RAB3C: variants seen among roughly 807,000 people sequenced by gnomAD.
The protein encoded by RAB3C is ras-related protein Rab-3C.
Under a neutral mutation model 26.4 loss-of-function variants are expected in RAB3C, and 17 were observed. That is an observed-to-expected ratio of 0.64 (90% CI 0.44 to 0.97). The LOEUF (loss-of-function observed/expected upper bound fraction) is 0.97, where lower values mean the gene tolerates loss of function less well. RAB3C is among the 50% of genes least tolerant of loss of function. The pLI is 0.00. For synonymous variants in RAB3C, 91 were observed against 95.9 expected (o/e 0.95, Z 0.30); for missense variants, 242 against 281.9 (o/e 0.86, Z 1.01).
At chr5:58,671,779 C>A (rs150493045) in intron 2 of RAB3C, among the ~76,000 whole-genome samples, 5 of 152,158 alleles carry the variant, frequency 3.3e-5, no homozygotes, top group Non-Finnish European at 5.9e-5. Flanking sequence ...GTGCTGATAG[C>A]CAAGATCTTT....
At chr5:58,807,462 C>T (rs1223952597) in intron 3 of RAB3C, among the ~76,000 whole-genome samples, 1 of 152,290 alleles carries the variant, frequency 6.6e-6, no homozygotes, top group East Asian at 1.9e-4. Flanking sequence ...TAACAAAATA[C>T]CATAGACTGG....
intron 4 of RAB3C, among the ~76,000 whole-genome samples, chr5:58,831,577 T>C (rs779581035): frequency 6.6e-6 from 1 of 152,166 alleles, no homozygotes; most frequent in Non-Finnish European, 1.5e-5. Context: ...AGAGCACCAC[T>C]TTAGGGAAGC....
At chr5:58,748,431 A>G (rs1311775558) in intron 3 of RAB3C, among the ~76,000 whole-genome samples, 2 of 152,178 alleles carry the variant, frequency 1.3e-5, no homozygotes, top group East Asian at 3.9e-4. Context: ...TTCATTGTGC[A>G]TGCAGTAATT....
intron 3 of RAB3C, among the ~76,000 whole-genome samples, chr5:58,726,535 A>C (rs540173889): frequency 6.6e-6 from 1 of 151,980 alleles, no homozygotes; most frequent in South Asian, 2.1e-4. Flanking sequence ...CACTCCCCTC[A>C]CTGTTGTCTT....
At position 58,855,161 on chromosome 5, in the gene RAB3C, C is replaced by A. The variant is rs1036608346; in HGVS notation, c.*3810C>A. ...ATGTACTATGTGATATTTTAGTTAA[C>A]AGTGTGGCATTTGTGGGACTATATT... On this transcript the variant is annotated 3_prime_UTR_variant, in exon 5 of 5. Coordinates refer to ENST00000282878, the MANE Select transcript of RAB3C (RefSeq NM_138453.4). 6.6e-6 allele frequency: 1 copy of A among 152,094 alleles called. No individual in the cohort carries two copies. Among genetic ancestry groups the A allele is most frequent in the African/African-American group, 2.4e-5 (1 of 41,404 alleles). The allele number at this position is 152,094 out of a possible 1,614,324, so 9.4% of individuals were successfully genotyped here.
At chr5:58,626,656 A>G (rs1294701464) in intron 2 of RAB3C, among the ~76,000 whole-genome samples, 1 of 152,204 alleles carries the variant, frequency 6.6e-6, no homozygotes, top group Non-Finnish European at 1.5e-5. Context: ...TTTTGCTTAT[A>G]GTCTTATCGT....
At chr5:58,609,869 T>G (rs1454019650) in intron 1 of RAB3C, among the ~76,000 whole-genome samples, 1 of 152,150 alleles carries the variant, frequency 6.6e-6, no homozygotes, top group African/African-American at 2.4e-5. Flanking sequence ...TCCAGCGTCT[T>G]GGCCACTTCT....
upstream of RAB3C, chr5:58,582,510 G>A (rs1398239263): frequency 4.7e-6 from 3 of 638,084 alleles, no homozygotes; most frequent in African/African-American, 6.0e-5. Flanking sequence ...ATGTACGCGC[G>A]CGCGACTTCT....
chr5:58,629,027 GAAAAAAAAAAAA>G lies in RAB3C; in HGVS notation c.252+11174_252+11185del, dbSNP rs70973148. ...GCAACATAGTGAGACCTCACTTCTGGAAAAAAAAAAAAAAAAAAAAAAAAAAAAGGTGAAATT... is the reference window on the plus strand; with the variant it reads ...GCAACATAGTGAGACCTCACTTCTGGAAAAAAAAAAAAAAAAGGTGAAATT... On this transcript the variant is annotated intron_variant, in intron 2 of 4. Transcript: ENST00000282878. Among the ~76,000 whole-genome samples the G allele has an allele frequency of 6.2e-4, 35 of 56,076 alleles. 1 individual carries two copies. The South Asian group carries it at 0.019, about 30-fold the overall frequency. The allele number at this position is 56,076 out of a possible 152,430, so 36.8% of individuals were successfully genotyped here.
intron 2 of RAB3C, among the ~76,000 whole-genome samples, chr5:58,699,476 G>A (rs559205295): frequency 2.7e-4 from 41 of 152,310 alleles, no homozygotes; most frequent in Middle Eastern, 6.8e-3. Flanking sequence ...ACGCCATGCT[G>A]GGAGAGCCAC....
intron 2 of RAB3C, among the ~76,000 whole-genome samples, chr5:58,697,568 G>T (rs558960013): frequency 6.6e-6 from 1 of 152,206 alleles, no homozygotes; most frequent in East Asian, 1.9e-4. Context: ...AAGTTTCTTT[G>T]TACATCTCTA....
intron 2 of RAB3C, among the ~76,000 whole-genome samples, chr5:58,632,507 G>A (rs1463008951): frequency 1.3e-5 from 2 of 152,190 alleles, no homozygotes; most frequent in African/African-American, 4.8e-5. Context: ...GTTCACGGAG[G>A]GCTGAAGGGA....
intron 1 of RAB3C, among the ~76,000 whole-genome samples, chr5:58,612,734 G>A (rs921446663): frequency 1.3e-5 from 2 of 151,550 alleles, no homozygotes; most frequent in Admixed American, 6.6e-5. Flanking sequence ...CCAAGGCTAC[G>A]GGGTTTTCTA....
At chr5:58,787,795 G>A (rs1475228706) in intron 3 of RAB3C, among the ~76,000 whole-genome samples, 1 of 152,040 alleles carries the variant, frequency 6.6e-6, no homozygotes, top group Non-Finnish European at 1.5e-5. Flanking sequence ...AGGTCGGCGG[G>A]AATGACACCC....
intron 3 of RAB3C, among the ~76,000 whole-genome samples, chr5:58,776,599 C>A (rs1742147256): frequency 6.6e-6 from 1 of 152,084 alleles, no homozygotes; most frequent in South Asian, 2.1e-4. Context: ...AATCTTCCAT[C>A]TTATTTATAC....
chr5:58,856,299 C>A lies in RAB3C; in HGVS notation c.*4948C>A, dbSNP rs931159297. 3 of 148,386 alleles carry A rather than the reference C, an allele frequency of 2.0e-5. No homozygotes were observed. Among genetic ancestry groups the A allele is most frequent in the African/African-American group, 7.5e-5 (3 of 40,018 alleles). The allele number at this position is 148,386 out of a possible 1,614,324, so 9.2% of individuals were successfully genotyped here. On this transcript the variant is annotated 3_prime_UTR_variant, in exon 5 of 5. Transcript: ENST00000282878. ...AGGGGAAATAAATTTTGCAAGCATT[C>A]TAGATAACAGAAATGAGTCATTTTA...
intron 3 of RAB3C, among the ~76,000 whole-genome samples, chr5:58,748,185 A>AG (rs11362791): frequency 0.17 from 26,118 of 151,674 alleles, 2,391 homozygotes; most frequent in East Asian, 0.3. Flanking sequence ...AAGAATTTCA[A>AG]GGGGGGGGAA....
chr5:58,781,074 A>G lies in RAB3C; in HGVS notation c.372-43964A>G, dbSNP rs114762070. ...CTAGCCCTATCTCTGAATAGTAACT[A>G]GAACTGCATCATTTCTCAAGGCAAG... is the stretch of plus-strand genomic sequence containing the variant. On this transcript the variant is annotated intron_variant, in intron 3 of 4. Transcript: ENST00000282878. Among the ~76,000 whole-genome samples the G allele has an allele frequency of 4.1e-3, 627 of 152,164 alleles. 8 individuals are homozygous for G. Among genetic ancestry groups the G allele is most frequent in the African/African-American group, 0.015 (604 of 41,530 alleles).
chr5:58,828,719 G>T (rs1014647681), intron 4 of RAB3C, among the ~76,000 whole-genome samples: 6 of 152,100 alleles, frequency 3.9e-5, no homozygotes, highest in Non-Finnish European at 8.8e-5. Context: ...ACTCAGACCT[G>T]CTGCATCAGA....
Sources: allele counts gnomAD v4.1 joint callset (sites outside exome capture counted in the v4.1 genomes callset), GRCh38; gene constraint gnomAD v4.1.1; transcripts MANE v1.5; gene names NCBI Gene and HGNC (gene_info 2026-07-23, HGNC 2026-07-21).